DCC: variants seen among roughly 807,000 people sequenced by gnomAD.
The protein encoded by DCC is DCC netrin 1 receptor, also known as netrin receptor DCC.
A neutral mutation model predicts 172.5 loss-of-function variants in DCC; 58 were observed. The observed-to-expected ratio is 0.34, with a 90% CI of 0.27 to 0.42. The LOEUF (loss-of-function observed/expected upper bound fraction) is 0.42, where lower values mean the gene tolerates loss of function less well. Ranked by LOEUF, DCC falls within the 10% of genes least tolerant of loss-of-function variation. The probability of loss-of-function intolerance (pLI) is 1.00; values close to 1 mark genes in which losing one functional copy is unlikely to be tolerated. For synonymous variants in DCC, 709 were observed against 644.5 expected (o/e 1.10, Z -1.52); for missense variants, 1,740 against 1,791.0 (o/e 0.97, Z 0.51).
intron 5 of DCC, among the ~76,000 whole-genome samples, chr18:53,054,239 G>A (rs1015827035): frequency 7.3e-5 from 11 of 151,454 alleles, no homozygotes; most frequent in Admixed American, 2.6e-4. Context: ...ATCTGCAGTC[G>A]GTTGAATCCT....
At chr18:53,402,678 A>G (rs1909385096) in intron 18 of DCC, 108 bp from the exon 19 acceptor site, 7 of 853,884 alleles carry the variant, frequency 8.2e-6, no homozygotes, top group East Asian at 4.8e-5. Context: ...AATAGACATG[A>G]TATACTTCTT....
intron 27 of DCC, among the ~76,000 whole-genome samples, chr18:53,511,248 A>C (rs1479596758): frequency 3.3e-5 from 5 of 152,264 alleles, no homozygotes; most frequent in African/African-American, 4.8e-5. Flanking sequence ...GATGGGAATC[A>C]AGGATTGCAG....
rs1242707156 is a variant in DCC, at chr18:52,844,043, C to G, written c.413-62001C>G. On this transcript the variant is annotated intron_variant, in intron 2 of 28. Coordinates refer to ENST00000442544, the MANE Select transcript of DCC (RefSeq NM_005215.4). ...TCTACTATCTACCAATTTTATGACC[C>G]TAGGCAAGAGAATTGATCTCTCTTT... 2.6e-5 allele frequency among the ~76,000 whole-genome samples: 4 copies of G among 152,090 alleles called. No individual in the cohort carries two copies. The East Asian group carries it at 5.8e-4, about 22-fold the overall frequency.
At chr18:53,304,390 T>C (rs2057175811) in intron 12 of DCC, among the ~76,000 whole-genome samples, 1 of 152,166 alleles carries the variant, frequency 6.6e-6, no homozygotes, top group East Asian at 1.9e-4. Flanking sequence ...GCAAAGATAA[T>C]AATTTTCTCT....
intron 1 of DCC, among the ~76,000 whole-genome samples, chr18:52,669,147 T>C (rs2035507560): frequency 6.6e-6 from 1 of 152,120 alleles, no homozygotes; most frequent in Non-Finnish European, 1.5e-5. Context: ...TCATGAGAAG[T>C]TGAAGCTGTC....
chr18:52,575,560 A>T (rs931776750), intron 1 of DCC, among the ~76,000 whole-genome samples: 1 of 152,128 alleles, frequency 6.6e-6, no homozygotes, highest in Non-Finnish European at 1.5e-5. Context: ...ACTAAACATG[A>T]TTTCCTACCA....
At chr18:53,403,623 T>C (rs1909459418) in intron 19 of DCC, among the ~76,000 whole-genome samples, 1 of 152,192 alleles carries the variant, frequency 6.6e-6, no homozygotes, top group South Asian at 2.1e-4. Flanking sequence ...ATGAAAAATA[T>C]TGTATAACTC....
At chr18:53,146,813 A>G (rs2043922746) in intron 7 of DCC, among the ~76,000 whole-genome samples, 3 of 152,224 alleles carry the variant, frequency 2.0e-5, no homozygotes, top group South Asian at 4.1e-4. Context: ...ATGGTGGATG[A>G]ACATCTGTAT....
At chr18:52,694,526 C>T (rs192809695) in intron 1 of DCC, among the ~76,000 whole-genome samples, 110 of 152,166 alleles carry the variant, frequency 7.2e-4, no homozygotes, top group Non-Finnish European at 1.2e-3. Flanking sequence ...AAGTGTTGTA[C>T]GCAAGGACCC....
intron 19 of DCC, among the ~76,000 whole-genome samples, chr18:53,406,653 G>A (rs1418264690): frequency 4.7e-5 from 7 of 147,636 alleles, no homozygotes; most frequent in South Asian, 2.1e-4. Context: ...GCAGCGAGCC[G>A]AGATCCAGCT....
intron 11 of DCC, among the ~76,000 whole-genome samples, chr18:53,210,011 G>A (rs1048043440): frequency 2.0e-5 from 3 of 152,152 alleles, no homozygotes; most frequent in Non-Finnish European, 4.4e-5. Flanking sequence ...ACTGTGCAAA[G>A]GACACCAAAT....
intron 1 of DCC, among the ~76,000 whole-genome samples, chr18:52,616,537 G>T (rs1355523121): frequency 6.6e-6 from 1 of 152,030 alleles, no homozygotes; most frequent in East Asian, 1.9e-4. Context: ...TGGCCCATTT[G>T]ACAAGCCAAT....
At position 53,047,428 on chromosome 18, in the gene DCC, CATATATATATATATATAT is replaced by C. The variant is rs58797605; in HGVS notation, c.986-15859_986-15842del. Reference sequence around the variant, plus strand: ...TATATTTTATGTATTATATATTTTACATATATATATATATATATATATATATATATATATACCATTTTT... The same window carrying C: ...TATATTTTATGTATTATATATTTTACATATATATATATATATACCATTTTT... On this transcript the variant is annotated intron_variant, in intron 5 of 28. Transcript: ENST00000442544. Among the ~76,000 whole-genome samples the C allele has an allele frequency of 4.4e-3, 222 of 50,050 alleles. 6 individuals carry two copies. Among genetic ancestry groups the C allele is most frequent in the African/African-American group, 8.0e-3 (121 of 15,114 alleles). The allele number at this position is 50,050 out of a possible 152,430, so 32.8% of individuals were successfully genotyped here.
intron 27 of DCC, among the ~76,000 whole-genome samples, chr18:53,510,066 C>A (rs1252039854): frequency 6.6e-6 from 1 of 152,100 alleles, no homozygotes; most frequent in Non-Finnish European, 1.5e-5. Flanking sequence ...TAGATCAGAG[C>A]CACCGCTGTC....
chr18:53,447,358 T>C (rs1912677664), intron 22 of DCC, among the ~76,000 whole-genome samples: 1 of 152,188 alleles, frequency 6.6e-6, no homozygotes, highest in Admixed American at 6.5e-5. Flanking sequence ...TACAAAATTT[T>C]AAACTGGTGG....
At chr18:53,072,083 C>G (rs930250327) in intron 7 of DCC, among the ~76,000 whole-genome samples, 6 of 152,070 alleles carry the variant, frequency 3.9e-5, no homozygotes, top group African/African-American at 1.4e-4. Context: ...GAGCCAAGAT[C>G]AAGCTACTGA....
intron 2 of DCC, among the ~76,000 whole-genome samples, chr18:52,827,631 G>A (rs1025220662): frequency 6.6e-6 from 1 of 152,176 alleles, no homozygotes; most frequent in African/African-American, 2.4e-5. Context: ...TCTGTTACTT[G>A]GGGGCCATAG....
intron 12 of DCC, among the ~76,000 whole-genome samples, chr18:53,293,709 A>G (rs558308757): frequency 1.3e-5 from 2 of 152,208 alleles, no homozygotes; most frequent in African/African-American, 4.8e-5. Context: ...CAGAATTAGC[A>G]TGCCAGTTTG....
chr18:53,401,883 T>A (rs982358011), intron 18 of DCC, among the ~76,000 whole-genome samples: 1 of 152,178 alleles, frequency 6.6e-6, no homozygotes, highest in Non-Finnish European at 1.5e-5. Flanking sequence ...CTTTAAATAT[T>A]TAAAATTGTT....
Sources: allele counts gnomAD v4.1 joint callset (sites outside exome capture counted in the v4.1 genomes callset), GRCh38; gene constraint gnomAD v4.1.1; transcripts MANE v1.5; gene names NCBI Gene and HGNC (gene_info 2026-07-23, HGNC 2026-07-21).